The following TRUB1 variants were observed in gnomAD, a reference collection of about 807,000 sequenced individuals.
TRUB1 encodes the protein pseudouridylate synthase TRUB1.
In TRUB1, 23 loss-of-function variants were observed where a neutral mutation model predicts 33.9. The ratio of observed to expected loss-of-function variants is 0.68; its 90% CI spans 0.49 to 0.96. The LOEUF is 0.96. Among genes scored for constraint, TRUB1 ranks in the 40% least tolerant of loss-of-function variants. TRUB1 has a pLI of 0.00. For missense variants in TRUB1, 378 were observed against 422.2 expected (o/e 0.90, Z 0.92); for synonymous variants, 163 against 165.4 (o/e 0.99, Z 0.11).
At position 114,970,519 on chromosome 10, in the gene TRUB1, A is replaced by G. The variant is rs557997970; in HGVS notation, c.596+79A>G. Reference sequence around the variant, plus strand: ...AACATCACTCTAGTTAAAATACACGAGTTTCCTCTTAGCATATGGCAAGGC... The same window carrying G: ...AACATCACTCTAGTTAAAATACACGGGTTTCCTCTTAGCATATGGCAAGGC... On this transcript the variant is annotated intron_variant, in intron 5 of 7. Coordinates refer to ENST00000298746, the MANE Select transcript of TRUB1 (RefSeq NM_139169.5). 1.5e-5 allele frequency: 16 copies of G among 1,094,264 alleles called. No homozygotes were observed. The South Asian group carries it at 1.8e-4, about 13-fold the overall frequency. The allele number at this position is 1,094,264 out of a possible 1,614,324, so 67.8% of individuals were successfully genotyped here.
intron 4 of TRUB1, among the ~76,000 whole-genome samples, chr10:114,963,255 G>A (rs758895384): frequency 9.8e-5 from 15 of 152,310 alleles, no homozygotes; most frequent in African/African-American, 3.4e-4. Flanking sequence ...TCAAATGGAC[G>A]TAGCTGATGT....
intron 2 of TRUB1, among the ~76,000 whole-genome samples, chr10:114,946,166 CTG>C (rs1229033236): frequency 6.6e-6 from 1 of 152,114 alleles, no homozygotes; most frequent in African/African-American, 2.4e-5. Flanking sequence ...TAGTTACTAA[CTG>C]TATACATCCT....
intron 3 of TRUB1, 74 bp downstream of exon 3, chr10:114,951,223 A>G (rs2084234086): frequency 8.2e-7 from 1 of 1,225,788 alleles, no homozygotes; most frequent in South Asian, 1.3e-5. Flanking sequence ...TTTATCAAAT[A>G]AAAAATAAAC....
chr10:114,956,112 G>A (rs544454117), intron 3 of TRUB1, among the ~76,000 whole-genome samples: 1 of 152,292 alleles, frequency 6.6e-6, no homozygotes, highest in South Asian at 2.1e-4. Context: ...TGCTAGAGAT[G>A]TCTAGCTAAT....
intron 4 of TRUB1, among the ~76,000 whole-genome samples, chr10:114,963,324 C>A (rs1489749806): frequency 6.6e-6 from 1 of 152,158 alleles, no homozygotes; most frequent in Non-Finnish European, 1.5e-5. Context: ...TGAGACTTAT[C>A]CTGGAGTAAG....
intron 4 of TRUB1, among the ~76,000 whole-genome samples, chr10:114,963,536 C>T (rs555554548): frequency 4.7e-4 from 72 of 152,328 alleles, no homozygotes; most frequent in African/African-American, 1.7e-3. Context: ...ATATCTGTAG[C>T]TAGCTATCAC....
intron 6 of TRUB1, among the ~76,000 whole-genome samples, chr10:114,972,630 T>C (rs2084342674): frequency 6.6e-6 from 1 of 152,168 alleles, no homozygotes; most frequent in Non-Finnish European, 1.5e-5. Context: ...ATGCTTTTCC[T>C]CCCATTTTGG....
chr10:114,960,272 G>A (rs779266787), intron 4 of TRUB1, among the ~76,000 whole-genome samples: 16 of 152,166 alleles, frequency 1.1e-4, no homozygotes, highest in Non-Finnish European at 2.1e-4. Flanking sequence ...CAGAGGGCAA[G>A]CTATTTCTCT....
chr10:114,941,123 T>G (rs1205186338), intron 1 of TRUB1, among the ~76,000 whole-genome samples: 1 of 152,196 alleles, frequency 6.6e-6, no homozygotes, highest in Non-Finnish European at 1.5e-5. Flanking sequence ...TTCTGCTCAG[T>G]GTCAGTGTTG....
intron 4 of TRUB1, among the ~76,000 whole-genome samples, chr10:114,963,471 T>G (rs1273295224): frequency 1.3e-5 from 2 of 152,194 alleles, no homozygotes; most frequent in East Asian, 3.8e-4. Flanking sequence ...AATGTACAAG[T>G]AAAGAAAACT....
At chr10:114,958,350 G>T (rs569227907) in intron 3 of TRUB1, among the ~76,000 whole-genome samples, 3 of 152,014 alleles carry the variant, frequency 2.0e-5, no homozygotes, top group Non-Finnish European at 4.4e-5. Flanking sequence ...ATTGAAATGC[G>T]TTGGAATATT....
chr10:114,965,716 A>G (rs765348151), intron 4 of TRUB1, among the ~76,000 whole-genome samples: 4 of 152,116 alleles, frequency 2.6e-5, no homozygotes, highest in Non-Finnish European at 5.9e-5. Context: ...GTTTTAAACT[A>G]TGGGTTGGAT....
intron 3 of TRUB1, among the ~76,000 whole-genome samples, chr10:114,957,784 C>T (rs1170568410): frequency 6.6e-6 from 1 of 152,132 alleles, no homozygotes; most frequent in Non-Finnish European, 1.5e-5. Context: ...CAGAATACTG[C>T]AGATACATTC....
intron 5 of TRUB1, among the ~76,000 whole-genome samples, chr10:114,971,310 A>G: frequency 6.6e-6 from 1 of 152,150 alleles, no homozygotes; most frequent in Non-Finnish European, 1.5e-5. Context: ...ATGTAGCCAT[A>G]TTTTCGTGCA....
At position 114,974,460 on chromosome 10, in the gene TRUB1, G is replaced by A. The variant is rs542579032; in HGVS notation, c.793+75G>A. Reference sequence around the variant, plus strand: ...TTTCAATTGGAAGAGGGAATTTTCCGTTTTTCTTATTTCTGAGTACTGGCC... The same window carrying A: ...TTTCAATTGGAAGAGGGAATTTTCCATTTTTCTTATTTCTGAGTACTGGCC... On this transcript the variant is annotated intron_variant, in intron 7 of 7. Transcript: ENST00000298746. 84 of 1,338,290 alleles carry A rather than the reference G, an allele frequency of 6.3e-5. No homozygotes were observed. The Middle Eastern group carries it at 9.2e-4, about 15-fold the overall frequency. 82.9% of individuals were successfully genotyped at this position (1,338,290 alleles called of 1,614,324 possible). A position where few individuals can be genotyped will look rare whatever the true frequency, so the allele number is the denominator to read the frequency against.
chr10:114,947,822 A>G (rs1182047973), intron 2 of TRUB1, among the ~76,000 whole-genome samples: 1 of 152,196 alleles, frequency 6.6e-6, no homozygotes, highest in Non-Finnish European at 1.5e-5. Context: ...TTTGTGAGAG[A>G]TGTCTTTATA....
chr10:114,950,108 G>C (rs1187695411), intron 2 of TRUB1, among the ~76,000 whole-genome samples: 1 of 152,028 alleles, frequency 6.6e-6, no homozygotes, highest in Admixed American at 6.6e-5. Flanking sequence ...ATGTTGGTCA[G>C]GTGGGTCTTG....
chr10:114,953,134 G>A (rs2084244614), intron 3 of TRUB1, among the ~76,000 whole-genome samples: 2 of 151,952 alleles, frequency 1.3e-5, no homozygotes, highest in South Asian at 4.1e-4. Flanking sequence ...TAAATTTCAG[G>A]CATATTTTCA....
At chr10:114,939,827 T>C (rs1477036438) in intron 1 of TRUB1, among the ~76,000 whole-genome samples, 4 of 44,084 alleles carry the variant, frequency 9.1e-5, no homozygotes, top group African/African-American at 4.5e-4. Context: ...GTTTCTTTTC[T>C]TTTTTTTTTT....
Sources: allele counts gnomAD v4.1 joint callset (sites outside exome capture counted in the v4.1 genomes callset), GRCh38; gene constraint gnomAD v4.1.1; transcripts MANE v1.5; gene names NCBI Gene and HGNC (gene_info 2026-07-23, HGNC 2026-07-21).